Variants in CACNB4 observed in about 807,000 individuals in gnomAD.
CACNB4 encodes calcium voltage-gated channel auxiliary subunit beta 4, also known as voltage-dependent L-type calcium channel subunit beta-4.
A neutral mutation model predicts 71.2 loss-of-function variants in CACNB4; 32 were observed. The observed-to-expected ratio is 0.45, with a 90% CI of 0.34 to 0.60. CACNB4 has a LOEUF of 0.60. Ranked by LOEUF, CACNB4 falls within the 20% of genes least tolerant of loss-of-function variation. CACNB4 has a pLI of 0.01. For missense variants in CACNB4, 464 were observed against 647.9 expected (o/e 0.72, Z 3.08); for synonymous variants, 231 against 236.9 (o/e 0.97, Z 0.23).
At chr2:151,880,689 T>C (rs1291857236) in intron 4 of CACNB4, 111 bp downstream of exon 4, 76 of 1,093,382 alleles carry the variant, frequency 7.0e-5, no homozygotes, top group Non-Finnish European at 9.3e-5. Flanking sequence ...AATTAAATCA[T>C]GTACTGCACT....
chr2:152,047,707 A>C (rs1685209969), intron 2 of CACNB4, among the ~76,000 whole-genome samples: 2 of 152,162 alleles, frequency 1.3e-5, no homozygotes, highest in Admixed American at 1.3e-4. Flanking sequence ...CAGTGTGACC[A>C]ACACAGTAAA....
chr2:151,852,602 A>G (rs1338035453), intron 12 of CACNB4: 2 of 152,226 alleles, frequency 1.3e-5, no homozygotes, highest in Admixed American at 1.3e-4. Context: ...CCAAGATTAC[A>G]TAACTAGTCA....
intron 2 of CACNB4, among the ~76,000 whole-genome samples, chr2:151,953,897 A>G (rs904971304): frequency 1.3e-5 from 2 of 152,280 alleles, no homozygotes; most frequent in African/African-American, 4.8e-5. Flanking sequence ...TGTTCACCCC[A>G]CATGAAGGCC....
At chr2:152,089,269 T>C (rs1687838698) in intron 2 of CACNB4, among the ~76,000 whole-genome samples, 1 of 152,180 alleles carries the variant, frequency 6.6e-6, no homozygotes, top group Non-Finnish European at 1.5e-5. Context: ...GTGTTTGGAT[T>C]GGGGTTCGTT....
chr2:151,980,285 G>T (rs2099874491), intron 2 of CACNB4, among the ~76,000 whole-genome samples: 1 of 152,110 alleles, frequency 6.6e-6, no homozygotes, highest in Non-Finnish European at 1.5e-5. Flanking sequence ...AAGGTCTAGT[G>T]TGTAGTGTGG....
chr2:151,920,315 C>T lies in CACNB4; in HGVS notation c.148-36945G>A, dbSNP rs200257152. On this transcript the variant is annotated intron_variant, in intron 2 of 13. Coordinates refer to ENST00000539935, the MANE Select transcript of CACNB4 (RefSeq NM_000726.5). The stretch of plus-strand genomic sequence containing the variant: ...TCTAGAGTCTTTTCTTCTTCTTCTT[C>T]TTCTTTTTTTTTTTTTTTTTTTTTG... Among the ~76,000 whole-genome samples the T allele has an allele frequency of 1.2e-3, 99 of 81,046 alleles. 12 individuals carry two copies. The East Asian group carries it at 0.015, about 12-fold the overall frequency. 53.2% of individuals were successfully genotyped at this position (81,046 alleles called of 152,430 possible).
chr2:151,867,572 T>A (rs564747299), intron 9 of CACNB4: 1 of 152,178 alleles, frequency 6.6e-6, no homozygotes, highest in East Asian at 1.9e-4. Context: ...TGCCTATTTC[T>A]TTTTTAAAGA....
intron 3 of CACNB4, chr2:151,882,954 T>A: frequency 2.5e-6 from 1 of 398,736 alleles, no homozygotes; most frequent in Non-Finnish European, 4.7e-6. Flanking sequence ...GGCCAGCTGG[T>A]GCCTGGGGGG....
intron 2 of CACNB4, among the ~76,000 whole-genome samples, chr2:152,014,746 C>T (rs1560133292): frequency 6.6e-6 from 1 of 150,846 alleles, no homozygotes; most frequent in East Asian, 1.9e-4. Flanking sequence ...AAAAAAAAAT[C>T]ATAATTTTAA....
In CACNB4 at chr2:151,932,824, T is replaced by TAA. The variant is rs34714238; in HGVS notation, c.148-49456_148-49455dup. ...CAGCCTGGGCAACAGAGACTGGATC[T>TAA]AAAAAAAAAAAAAAAAAAAAGGTGG... is the stretch of plus-strand genomic sequence containing the variant. On this transcript the variant is annotated intron_variant, in intron 2 of 13. Transcript: ENST00000539935. Among the ~76,000 whole-genome samples the TAA allele has an allele frequency of 2.0e-3, 139 of 69,874 alleles. 4 individuals carry two copies. The highest frequency in any genetic ancestry group is 6.0e-3 in the African/African-American group (124 of 20,550). The allele number at this position is 69,874 out of a possible 152,430, so 45.8% of individuals were successfully genotyped here. A position where few individuals can be genotyped will look rare whatever the true frequency, so the allele number is the denominator to read the frequency against.
intron 8 of CACNB4, chr2:151,870,268 T>G: frequency 1.4e-6 from 1 of 703,052 alleles, no homozygotes; most frequent in Middle Eastern, 2.3e-4. Context: ...GTACAGCAAA[T>G]CTTTGACCAG....
chr2:151,958,580 G>A (rs1166430202), intron 2 of CACNB4, among the ~76,000 whole-genome samples: 1 of 152,124 alleles, frequency 6.6e-6, no homozygotes, highest in Non-Finnish European at 1.5e-5. Context: ...GCCGAAAGTG[G>A]GAGTTCCTCT....
intron 2 of CACNB4, among the ~76,000 whole-genome samples, chr2:152,007,181 C>T (rs1157452015): frequency 1.3e-5 from 2 of 152,068 alleles, no homozygotes; most frequent in Non-Finnish European, 2.9e-5. Flanking sequence ...TTTTTTTTAA[C>T]CATTTTTCAA....
chr2:151,889,071 A>G (rs1578655675), intron 2 of CACNB4, among the ~76,000 whole-genome samples: 1 of 152,228 alleles, frequency 6.6e-6, no homozygotes, highest in African/African-American at 2.4e-5. Context: ...ACCTGTAGCT[A>G]GTGGCTACCA....
At chr2:152,012,098 T>TG (rs1264730497) in intron 2 of CACNB4, among the ~76,000 whole-genome samples, 1 of 146,166 alleles carries the variant, frequency 6.8e-6, no homozygotes, top group African/African-American at 2.5e-5. Context: ...TTCTATTTAT[T>TG]AAAAAAAAAA....
At chr2:152,026,316 G>C (rs1034636741) in intron 2 of CACNB4, among the ~76,000 whole-genome samples, 1 of 151,752 alleles carries the variant, frequency 6.6e-6, no homozygotes, top group Non-Finnish European at 1.5e-5. Context: ...TTCCATCAGC[G>C]TCAACATATA....
At chr2:152,068,956 A>G (rs1686505173) in intron 2 of CACNB4, among the ~76,000 whole-genome samples, 1 of 152,158 alleles carries the variant, frequency 6.6e-6, no homozygotes, top group South Asian at 2.1e-4. Context: ...ATAGGCTTTG[A>G]CCAGCTTCAC....
intron 2 of CACNB4, among the ~76,000 whole-genome samples, chr2:151,941,275 A>ATTTTTTTTT (rs11346045): frequency 8.9e-6 from 1 of 112,302 alleles, no homozygotes. Context: ...AAAATGGTTA[A>ATTTTTTTTT]TTTTTTTTTT....
At chr2:152,004,512 TC>T (rs1316884476) in intron 2 of CACNB4, among the ~76,000 whole-genome samples, 3 of 144,352 alleles carry the variant, frequency 2.1e-5, no homozygotes, top group Non-Finnish European at 4.5e-5. Context: ...AACCCCCGTG[TC>T]CCCCCTACTT....
Sources: allele counts gnomAD v4.1 joint callset (sites outside exome capture counted in the v4.1 genomes callset), GRCh38; gene constraint gnomAD v4.1.1; transcripts MANE v1.5; gene names NCBI Gene and HGNC (gene_info 2026-07-23, HGNC 2026-07-21).